MMS22L: variants seen among roughly 807,000 people sequenced by gnomAD.
The protein encoded by MMS22L is MMS22 like, DNA repair protein.
A neutral mutation model predicts 159.1 loss-of-function variants in MMS22L; 74 were observed. The ratio of observed to expected loss-of-function variants is 0.47; its 90% CI spans 0.39 to 0.56. The LOEUF is 0.56. Among genes scored for constraint, MMS22L ranks in the 20% least tolerant of loss-of-function variants. The pLI is 0.00. For missense variants in MMS22L, 1,351 were observed against 1,422.1 expected, an observed-to-expected ratio of 0.95 and a Z score of 0.80; for synonymous variants, 517 against 506.9, an observed-to-expected ratio of 1.02 and a Z score of -0.27.
At position 97,274,470 on chromosome 6, in the gene MMS22L, T is replaced by C. The variant is rs1271445511; in HGVS notation, c.341-1408A>G. ...AATCAGATTGCTCCATCTCCCACTGTAAAGCTGAAAACCATAAAAATTACG... is the reference window on the plus strand; with the variant it reads ...AATCAGATTGCTCCATCTCCCACTGCAAAGCTGAAAACCATAAAAATTACG... On this transcript the variant is annotated intron_variant, in intron 4 of 24. Transcript: ENST00000683635. Among the ~76,000 whole-genome samples the C allele has an allele frequency of 2.0e-5, 3 of 152,234 alleles. No homozygotes were observed. In the East Asian group the frequency reaches 5.8e-4, roughly 29 times the overall value.
rs550886418 is a variant in MMS22L, at chr6:97,209,956, C to T, written c.2039+18938G>A. 2.0e-5 allele frequency among the ~76,000 whole-genome samples: 3 copies of T among 151,796 alleles called. No homozygotes were observed. In the East Asian group the frequency reaches 5.8e-4, roughly 29 times the overall value. On this transcript the variant is annotated intron_variant, in intron 14 of 24. Coordinates refer to ENST00000683635, the MANE Select transcript of MMS22L (RefSeq NM_001350599.2). Reference sequence around the variant, plus strand: ...GCAGTGTAAATCACATTTCCATTTCCTATATCAACTTTAAAGAGAAAAGCA... The same window carrying T: ...GCAGTGTAAATCACATTTCCATTTCTTATATCAACTTTAAAGAGAAAAGCA...
chr6:97,256,753 C>T (rs530414897), intron 9 of MMS22L, among the ~76,000 whole-genome samples: 1 of 152,160 alleles, frequency 6.6e-6, no homozygotes, highest in Admixed American at 6.5e-5. Context: ...GTGTTCGAGA[C>T]CAACCTGGGC....
chr6:97,161,259 G>T (rs1356695431), intron 22 of MMS22L, among the ~76,000 whole-genome samples: 1 of 152,090 alleles, frequency 6.6e-6, no homozygotes, highest in African/African-American at 2.4e-5. Context: ...TCCATGTGAA[G>T]ACAATGGTTT....
intron 14 of MMS22L, among the ~76,000 whole-genome samples, chr6:97,194,111 G>A (rs1255714338): frequency 1.3e-5 from 2 of 151,708 alleles, no homozygotes; most frequent in Non-Finnish European, 2.9e-5. Flanking sequence ...AGGCTGGAGC[G>A]CAGTGGCGCC....
chr6:97,164,972 T>TG (rs2128246233), intron 21 of MMS22L, among the ~76,000 whole-genome samples: 1 of 152,100 alleles, frequency 6.6e-6, no homozygotes, highest in Admixed American at 6.6e-5. Context: ...GTTTATCTGA[T>TG]GAAAAACTAA....
intron 10 of MMS22L, among the ~76,000 whole-genome samples, chr6:97,247,327 A>C (rs1376956066): frequency 6.6e-6 from 1 of 152,248 alleles, no homozygotes. Context: ...TTCAGTTCTT[A>C]AAGTTCTGGA....
chr6:97,158,216 CTTAA>C (rs1802061004), intron 22 of MMS22L, among the ~76,000 whole-genome samples: 1 of 151,918 alleles, frequency 6.6e-6, no homozygotes, highest in Non-Finnish European at 1.5e-5. Flanking sequence ...CTCTTTTCTT[CTTAA>C]TTAGTCTAGC....
In MMS22L at chr6:97,144,215, A is replaced by G. The variant is rs117389721; in HGVS notation, c.*2591T>C. 1,220 of 152,168 alleles carry G rather than the reference A, an allele frequency of 8.0e-3. 9 individuals are homozygous for G. The highest frequency in any genetic ancestry group is 0.013 in the Non-Finnish European group (908 of 68,068). 9.4% of individuals were successfully genotyped at this position (152,168 alleles called of 1,614,324 possible). On this transcript the variant is annotated 3_prime_UTR_variant, in exon 25 of 25. Coordinates refer to ENST00000683635, the MANE Select transcript of MMS22L (RefSeq NM_001350599.2). ...AGGGTCGTATCTTACGACTGGGGACAGGAAAGAAGACCATGAAGGTGCTCT... is the reference window on the plus strand; with the variant it reads ...AGGGTCGTATCTTACGACTGGGGACGGGAAAGAAGACCATGAAGGTGCTCT...
At position 97,146,535 on chromosome 6, in the gene MMS22L, C is replaced by T. The variant is rs1455396164; in HGVS notation, c.*271G>A. ...TTAATACTCACACACAGAAAACACTCTCAGAAAATGTTTCTTTAATTTAGT... is the reference window on the plus strand; with the variant it reads ...TTAATACTCACACACAGAAAACACTTTCAGAAAATGTTTCTTTAATTTAGT... On this transcript the variant is annotated 3_prime_UTR_variant, in exon 25 of 25. Transcript: ENST00000683635. 3 of 230,128 alleles carry T rather than the reference C, an allele frequency of 1.3e-5. No homozygotes were observed. Among genetic ancestry groups the T allele is most frequent in the Non-Finnish European group, 2.5e-5 (3 of 118,942 alleles). 14.3% of individuals were successfully genotyped at this position (230,128 alleles called of 1,614,324 possible). A position where few individuals can be genotyped will look rare whatever the true frequency, so the allele number is the denominator to read the frequency against.
At chr6:97,219,946 TC>T (rs1321408905) in intron 14 of MMS22L, among the ~76,000 whole-genome samples, 2 of 152,184 alleles carry the variant, frequency 1.3e-5, no homozygotes, top group African/African-American at 4.8e-5. Flanking sequence ...TTTTCTATAC[TC>T]TGCCATCTCA....
chr6:97,273,469 A>G (rs1266527297), intron 4 of MMS22L, among the ~76,000 whole-genome samples: 1 of 152,088 alleles, frequency 6.6e-6, no homozygotes, highest in Non-Finnish European at 1.5e-5. Context: ...ATCTCTTCCC[A>G]TATGTATGAT....
intron 22 of MMS22L, among the ~76,000 whole-genome samples, chr6:97,157,962 G>C (rs1185121430): frequency 6.6e-6 from 1 of 151,930 alleles, no homozygotes; most frequent in Non-Finnish European, 1.5e-5. Context: ...GCTTTTTTTG[G>C]TTGGTAGGCT....
chr6:97,149,959 C>T lies in MMS22L; in HGVS notation c.3544G>A (p.Val1182Ile). 6.2e-7 allele frequency: 1 copy of T among 1,613,670 alleles called. No homozygotes were observed. The highest frequency in any genetic ancestry group is 8.5e-7 in the Non-Finnish European group (1 of 1,179,746). ...ACAACCTGCTGGTCCAATGTTGCTA[C>T]TGTTTCTAAAATGCTGTAAACCTGG... is the stretch of plus-strand genomic sequence containing the variant. ...YYQVYSILET[V>I]ATLDQQVVIH... Residue 1182 changes from valine (V) to isoleucine (I), a missense_variant, in exon 24 of 25, where the codon GTA becomes ATA. By Grantham distance (29) the Val-to-Ile change is conservative. Transcript: ENST00000683635.
At chr6:97,252,853 C>G (rs1298558150) in intron 10 of MMS22L, among the ~76,000 whole-genome samples, 1 of 152,094 alleles carries the variant, frequency 6.6e-6, no homozygotes, top group Non-Finnish European at 1.5e-5. Flanking sequence ...CTTAGAATTA[C>G]AGGTAAATTT....
At chr6:97,275,872 G>A (rs1037748709) in intron 4 of MMS22L, among the ~76,000 whole-genome samples, 3 of 152,060 alleles carry the variant, frequency 2.0e-5, no homozygotes, top group East Asian at 3.9e-4. Context: ...GCATGATGGC[G>A]TGAGCCTGTA....
At chr6:97,203,586 T>C (rs1807417215) in intron 14 of MMS22L, among the ~76,000 whole-genome samples, 1 of 152,206 alleles carries the variant, frequency 6.6e-6, no homozygotes. Context: ...GAGCTGATCC[T>C]CCTGTCCTTT....
intron 24 of MMS22L, among the ~76,000 whole-genome samples, chr6:97,147,748 T>C (rs1219795103): frequency 1.3e-5 from 2 of 152,164 alleles, no homozygotes; most frequent in South Asian, 2.1e-4. Context: ...CAAGTCACCA[T>C]GCAGAAGAAA....
At chr6:97,157,304 C>T (rs1194370169) in intron 22 of MMS22L, among the ~76,000 whole-genome samples, 1 of 152,128 alleles carries the variant, frequency 6.6e-6, no homozygotes, top group Non-Finnish European at 1.5e-5. Context: ...ACTGAATACG[C>T]TTTATGGCTT....
chr6:97,241,039 G>C (rs1582754834), intron 11 of MMS22L, among the ~76,000 whole-genome samples: 1 of 152,298 alleles, frequency 6.6e-6, no homozygotes, highest in East Asian at 1.9e-4. Context: ...TTACCTCCAA[G>C]TTAAAAACGA....
Sources: allele counts gnomAD v4.1 joint callset (sites outside exome capture counted in the v4.1 genomes callset), GRCh38; gene constraint gnomAD v4.1.1; transcripts MANE v1.5; gene names NCBI Gene and HGNC (gene_info 2026-07-23, HGNC 2026-07-21).